TMEM106C: variants seen among roughly 807,000 people sequenced by gnomAD.
TMEM106C encodes transmembrane protein 106C, also known as endoplasmic reticulum membrane protein overexpressed in cancer.
A neutral mutation model predicts 30.8 loss-of-function variants in TMEM106C; 27 were observed. That is an observed-to-expected ratio of 0.88 (90% CI 0.65 to 1.21). The LOEUF (loss-of-function observed/expected upper bound fraction) is 1.21, where lower values mean the gene tolerates loss of function less well. Ranked by LOEUF, TMEM106C falls within the 50% of genes most tolerant of loss-of-function variation. The pLI, the probability that TMEM106C is intolerant of heterozygous loss-of-function variation, is 0.00. For missense variants in TMEM106C, 288 were observed against 307.8 expected (o/e 0.94, Z 0.48); for synonymous variants, 123 against 118.8 (o/e 1.04, Z -0.23).
rs1938225452 is a variant in TMEM106C at position 47,966,394 on chromosome 12, G to GA, written c.552+171dup. On this transcript the variant is annotated intron_variant, in intron 5 of 7. Transcript: ENST00000429772. ...GCCCTGTAATTATAAATAATTGTGAGAAAAAACAGCTATCATTTAAGCATT... is the reference window on the plus strand; with the variant it reads ...GCCCTGTAATTATAAATAATTGTGAGAAAAAAACAGCTATCATTTAAGCATT... 10 of 806,792 alleles carry GA rather than the reference G, an allele frequency of 1.2e-5. No individual in the cohort carries two copies. In the East Asian group the frequency reaches 1.9e-4, roughly 15 times the overall value. The allele number at this position is 806,792 out of a possible 1,614,324, so 50.0% of individuals were successfully genotyped here.
At position 47,968,303 on chromosome 12, in the gene TMEM106C, G is replaced by A; in HGVS notation, c.*74G>A. The A allele has an allele frequency of 1.7e-6, 2 of 1,175,432 alleles. No homozygotes were observed. The highest frequency in any genetic ancestry group is 2.4e-5 in the South Asian group (2 of 82,042). The allele number at this position is 1,175,432 out of a possible 1,614,324, so 72.8% of individuals were successfully genotyped here. On this transcript the variant is annotated 3_prime_UTR_variant, in exon 8 of 8. Coordinates refer to ENST00000429772, the MANE Select transcript of TMEM106C (RefSeq NM_001143842.2). ...ATATGTTCCCAAGGCCTGAGTTCTG[G>A]ACCTACCCCCACGTGGTGTAAGCAG...
rs1371873432 is a variant in TMEM106C at position 47,966,729 on chromosome 12, T to C, written c.599T>C (p.Val200Ala). ...KAEMGGPFSY[V>A]YFFCTVPEIL... ...GAGATGGGAGGACCGTTTTCCTATG[T>C]GTAGTAAGGACACTGTTCTCTCTGT... The change falls in exon 6 of 8, where the codon GTG becomes GCG. Residue 200 changes from valine to alanine, a missense_variant. Physicochemically the swap from Val to Ala is moderately conservative, Grantham distance 64 (BLOSUM62 0). Coordinates refer to ENST00000429772, the MANE Select transcript of TMEM106C (RefSeq NM_001143842.2). 1.2e-6 allele frequency: 2 copies of C among 1,614,168 alleles called. No individual in the cohort carries two copies. The highest frequency in any genetic ancestry group is 2.2e-5 in the East Asian group (1 of 44,886).
rs745660124 is a variant in TMEM106C at position 47,966,110 on chromosome 12, T to TC, written c.435dup (p.Asn146GlnfsTer28). ...GTAGGCCACCCTGAAAATCAGGAAC[T>TC]CCAACTTCTACACGGTGGCAGTGAC... On this transcript the variant is annotated frameshift_variant, in exon 5 of 8. Coordinates refer to ENST00000429772, the MANE Select transcript of TMEM106C (RefSeq NM_001143842.2). LOFTEE classifies it high-confidence loss of function. 1.2e-6 allele frequency: 2 copies of TC among 1,614,236 alleles called. No homozygotes were observed. Among genetic ancestry groups the TC allele is most frequent in the East Asian group, 2.2e-5 (1 of 44,884 alleles).
chr12:47,965,008 A>AT (rs1264638730), intron 2 of TMEM106C, among the ~76,000 whole-genome samples: 3 of 152,216 alleles, frequency 2.0e-5, no homozygotes, highest in Non-Finnish European at 4.4e-5. Flanking sequence ...GCCTTGAGAG[A>AT]TTCGACGACT....
intron 2 of TMEM106C, 55 bp downstream of exon 2, chr12:47,964,478 T>G (rs1286336289): frequency 6.3e-7 from 1 of 1,576,074 alleles, no homozygotes; most frequent in Non-Finnish European, 8.7e-7. Flanking sequence ...CTCGGAGTTC[T>G]CCTGTCTGCC....
rs1321406595 is a variant in TMEM106C, at chr12:47,966,803, T to G, written c.602+71T>G. 1.9e-6 allele frequency: 3 copies of G among 1,547,628 alleles called. No homozygotes were observed. In the African/African-American group the frequency reaches 4.1e-5, roughly 21 times the overall value. ...GGATTCAAAGTCATACTCCATTGAT[T>G]GGGGCCTGGTCCTGCCTTAGATCTC... On this transcript the variant is annotated intron_variant, in intron 6 of 7. Transcript: ENST00000429772.
chr12:47,967,256 C>A lies in TMEM106C; in HGVS notation c.651C>A (p.Phe217Leu). ...PEILVHNIVI[F>L]MRTSVKISYI... ...TCCTGGTGCACAACATAGTGATCTT[C>A]ATGCGGTGCGTCTCTCTTCCCTATC... Residue 217 changes from phenylalanine (F) to leucine (L), a missense_variant, in exon 7 of 8, where the codon TTC becomes TTA. By Grantham distance (22) the Phe-to-Leu change is conservative (BLOSUM62 0). Coordinates refer to ENST00000429772, the MANE Select transcript of TMEM106C (RefSeq NM_001143842.2). The A allele has an allele frequency of 6.2e-7, 1 of 1,614,172 alleles. No individual in the cohort carries two copies. Among genetic ancestry groups the A allele is most frequent in the Non-Finnish European group, 8.5e-7 (1 of 1,180,010 alleles).
intron 2 of TMEM106C, 82 bp from the exon 3 acceptor site, chr12:47,965,196 ATTTG>A: frequency 9.4e-7 from 1 of 1,068,516 alleles, no homozygotes; most frequent in Non-Finnish European, 1.4e-6. Flanking sequence ...CCAGAAGAAT[ATTTG>A]TTGTGGCAGG....
At position 47,968,757 on chromosome 12, in the gene TMEM106C, T is replaced by C. The variant is rs1938335066; in HGVS notation, c.*528T>C. ...AAGAAAAAAGTGTGTTGGCTTTTTT[T>C]TTTTTTAGAAAGTTAGAATTGTTTT... On this transcript the variant is annotated 3_prime_UTR_variant, in exon 8 of 8. Transcript: ENST00000429772. The C allele has an allele frequency of 6.1e-6, 1 of 163,884 alleles. No homozygotes were observed. The highest frequency in any genetic ancestry group is 2.4e-5 in the African/African-American group (1 of 41,464). The allele number at this position is 163,884 out of a possible 1,614,324, so 10.2% of individuals were successfully genotyped here.
At chr12:47,964,794 A>G (rs562184247) in intron 2 of TMEM106C, 1 of 324,822 alleles carries the variant, frequency 3.1e-6, no homozygotes, top group East Asian at 8.0e-5. Context: ...CTAATCCTTA[A>G]CAGCCTAAGG....
rs544864416 is a variant in TMEM106C at position 47,966,858 on chromosome 12, G to C, written c.602+126G>C. 9.6e-6 allele frequency: 9 copies of C among 932,996 alleles called. No individual in the cohort carries two copies. In the African/African-American group the frequency reaches 1.5e-4, roughly 15 times the overall value. 57.8% of individuals were successfully genotyped at this position (932,996 alleles called of 1,614,324 possible). A position where few individuals can be genotyped will look rare whatever the true frequency, so the allele number is the denominator to read the frequency against. ...TTTGACTTATAGGTTCCCTGGCTTT[G>C]GATGTCTTGAGATTTATTTGAAGAA... is the stretch of plus-strand genomic sequence containing the variant. On this transcript the variant is annotated intron_variant, in intron 6 of 7. Transcript: ENST00000429772.
intron 3 of TMEM106C, chr12:47,965,566 A>G: frequency 1.5e-6 from 1 of 646,494 alleles, no homozygotes; most frequent in Non-Finnish European, 2.7e-6. Flanking sequence ...TGGAATCAGA[A>G]GAAACTGGGA....
At chr12:47,967,163 T>G in intron 6 of TMEM106C, 45 bp from the exon 7 acceptor site, 1 of 1,534,344 alleles carries the variant, frequency 6.5e-7, no homozygotes, top group Non-Finnish European at 8.9e-7. Flanking sequence ...TACTGAGGCT[T>G]TAAAAAAAAA....
chr12:47,964,533 GCCCT>G, intron 2 of TMEM106C, 110 bp downstream of exon 2: 1 of 993,510 alleles, frequency 1.0e-6, no homozygotes. Flanking sequence ...TAGAGACAGT[GCCCT>G]GGACAGGAGC....
chr12:47,967,503 C>T (rs1244095366), intron 7 of TMEM106C, among the ~76,000 whole-genome samples: 1 of 152,220 alleles, frequency 6.6e-6, no homozygotes, highest in Non-Finnish European at 1.5e-5. Context: ...TCTAGTTTAA[C>T]TAAACACTTG....
chr12:47,967,943 C>T (rs1404355107), intron 7 of TMEM106C, among the ~76,000 whole-genome samples, 190 bp from the exon 8 acceptor site: 2 of 152,060 alleles, frequency 1.3e-5, no homozygotes, highest in African/African-American at 4.8e-5. Context: ...GTTTGGAAGG[C>T]CACCTCCTGG....
intron 1 of TMEM106C, 37 bp from the exon 2 acceptor site, chr12:47,964,172 T>C: frequency 6.5e-7 from 1 of 1,539,950 alleles, no homozygotes. Flanking sequence ...CGTGATTCAC[T>C]GGGGCCGCTA....
Position 47,965,978 on chromosome 12 carries a change from T to G in TMEM106C, c.392T>G (p.Leu131Arg). 1 of 1,614,224 alleles carries G rather than the reference T, an allele frequency of 6.2e-7. No homozygotes were observed. The highest frequency in any genetic ancestry group is 8.5e-7 in the Non-Finnish European group (1 of 1,180,040). Residue 131 changes from leucine to arginine, a missense_variant, in exon 4 of 8, where the codon CTT (leucine) becomes CGT (arginine). Leu to Arg is a moderately radical substitution (Grantham distance 102). Coordinates refer to ENST00000429772, the MANE Select transcript of TMEM106C (RefSeq NM_001143842.2). ...GTCACATTTAATAAGCAAGACTCCC[T>G]TGTAATTCTCACCATCATGGTAAGC... Reference protein sequence around the residue: ...VKVTFNKQDSLVILTIMATLK... With the variant: ...VKVTFNKQDSRVILTIMATLK...
At chr12:47,966,581 A>G in intron 5 of TMEM106C, 102 bp from the exon 6 acceptor site, 1 of 1,269,710 alleles carries the variant, frequency 7.9e-7, no homozygotes. Context: ...AGTATTTTGC[A>G]TGTGATGGAA....
Sources: allele counts gnomAD v4.1 joint callset (sites outside exome capture counted in the v4.1 genomes callset), GRCh38; gene constraint gnomAD v4.1.1; transcripts MANE v1.5; gene names NCBI Gene and HGNC (gene_info 2026-07-23, HGNC 2026-07-21).